UNC5D: variants seen among roughly 807,000 people sequenced by gnomAD.
UNC5D encodes unc-5 netrin receptor D.
A neutral mutation model predicts 105.4 loss-of-function variants in UNC5D; 39 were observed. The ratio of observed to expected loss-of-function variants is 0.37; its 90% CI spans 0.29 to 0.48. The LOEUF (loss-of-function observed/expected upper bound fraction) is 0.48. Among genes scored for constraint, UNC5D ranks in the 20% least tolerant of loss-of-function variants. The pLI, the probability that UNC5D is intolerant of heterozygous loss-of-function variation, is 0.98. For synonymous variants in UNC5D, 452 were observed against 450.4 expected (o/e 1.00, Z -0.04); for missense variants, 991 against 1,202.4 (o/e 0.82, Z 2.60).
chr8:35,493,902 G>A (rs1288083727), intron 1 of UNC5D, among the ~76,000 whole-genome samples: 2 of 152,018 alleles, frequency 1.3e-5, no homozygotes, highest in Non-Finnish European at 2.9e-5. Flanking sequence ...ATTTTTTTAA[G>A]CAAAGGAAAC....
intron 4 of UNC5D, among the ~76,000 whole-genome samples, chr8:35,614,090 T>G (rs947344250): frequency 6.6e-6 from 1 of 152,248 alleles, no homozygotes; most frequent in African/African-American, 2.4e-5. Context: ...ATCTGCACAC[T>G]GTCTTTGACT....
chr8:35,760,422 T>TA (rs533251430), intron 14 of UNC5D, among the ~76,000 whole-genome samples: 40 of 147,490 alleles, frequency 2.7e-4, no homozygotes, highest in South Asian at 1.7e-3. Context: ...ATTAGAGATT[T>TA]AAAAAAAAAA....
intron 1 of UNC5D, among the ~76,000 whole-genome samples, chr8:35,529,814 G>T (rs1814201029): frequency 7.0e-6 from 1 of 142,880 alleles, no homozygotes; most frequent in African/African-American, 2.6e-5. Context: ...TGAAGCAATT[G>T]TGAATGGGAG....
intron 16 of UNC5D, among the ~76,000 whole-genome samples, chr8:35,780,673 G>T (rs766669893): frequency 1.3e-5 from 2 of 152,174 alleles, no homozygotes; most frequent in Non-Finnish European, 2.9e-5. Flanking sequence ...TGGTGACTGT[G>T]GGCTCTAGGT....
chr8:35,642,929 C>A (rs866724789), intron 4 of UNC5D, among the ~76,000 whole-genome samples: 2 of 152,192 alleles, frequency 1.3e-5, no homozygotes, highest in Non-Finnish European at 2.9e-5. Flanking sequence ...TAGAGTAAAG[C>A]AAACAGGTCT....
chr8:35,653,499 G>A (rs946332209), intron 4 of UNC5D, among the ~76,000 whole-genome samples: 12 of 152,130 alleles, frequency 7.9e-5, no homozygotes, highest in Admixed American at 6.5e-4. Flanking sequence ...TGATGCTAAT[G>A]CTGTTTGTGG....
chr8:35,283,547 A>G (rs1806359098), intron 1 of UNC5D, among the ~76,000 whole-genome samples: 1 of 152,086 alleles, frequency 6.6e-6, no homozygotes, highest in Non-Finnish European at 1.5e-5. Flanking sequence ...GGATCACGAG[A>G]TCAAGAGATC....
intron 4 of UNC5D, among the ~76,000 whole-genome samples, chr8:35,607,541 A>G (rs1820376865): frequency 6.6e-6 from 1 of 152,050 alleles, no homozygotes; most frequent in Admixed American, 6.6e-5. Flanking sequence ...TTTCATCTTG[A>G]ATTGTAATCC....
At chr8:35,500,573 C>T (rs907923259) in intron 1 of UNC5D, among the ~76,000 whole-genome samples, 5 of 152,196 alleles carry the variant, frequency 3.3e-5, no homozygotes, top group African/African-American at 1.2e-4. Flanking sequence ...TAATCCCTGA[C>T]ATCTTTCTTT....
intron 1 of UNC5D, among the ~76,000 whole-genome samples, chr8:35,306,087 A>G (rs1808392705): frequency 6.6e-6 from 1 of 151,990 alleles, no homozygotes; most frequent in Admixed American, 6.6e-5. Flanking sequence ...AAGGATAGCT[A>G]AGTGTTTTGT....
chr8:35,580,702 T>G (rs774841792), intron 3 of UNC5D, among the ~76,000 whole-genome samples: 16 of 152,084 alleles, frequency 1.1e-4, no homozygotes, highest in Non-Finnish European at 2.2e-4. Context: ...TCCATCGACT[T>G]GAACAAAACA....
intron 1 of UNC5D, among the ~76,000 whole-genome samples, chr8:35,258,086 T>C (rs1804206327): frequency 6.6e-6 from 1 of 152,198 alleles, no homozygotes; most frequent in Non-Finnish European, 1.5e-5. Context: ...AAGATATCAA[T>C]GTGCCTGAGA....
intron 3 of UNC5D, among the ~76,000 whole-genome samples, chr8:35,591,523 CTAT>C (rs551236884): frequency 1.3e-5 from 2 of 151,996 alleles, no homozygotes; most frequent in Non-Finnish European, 2.9e-5. Flanking sequence ...GCTTAGAGAA[CTAT>C]TATTATTATT....
intron 1 of UNC5D, among the ~76,000 whole-genome samples, chr8:35,526,403 C>T (rs1296772208): frequency 2.0e-5 from 3 of 152,090 alleles, no homozygotes; most frequent in Non-Finnish European, 2.9e-5. Context: ...CAGTCACTGC[C>T]TCAAAAGCAT....
chr8:35,639,734 A>T (rs1822594609), intron 4 of UNC5D, among the ~76,000 whole-genome samples: 1 of 152,064 alleles, frequency 6.6e-6, no homozygotes, highest in Non-Finnish European at 1.5e-5. Flanking sequence ...AAGTCACATA[A>T]AGTATTTTGA....
At chr8:35,467,566 G>T (rs1254182362) in intron 1 of UNC5D, among the ~76,000 whole-genome samples, 2 of 92,662 alleles carry the variant, frequency 2.2e-5, no homozygotes, top group Non-Finnish European at 4.2e-5. Context: ...ATGAAACTAT[G>T]ACAGGCAAAA....
chr8:35,447,432 G>A (rs746148325), intron 1 of UNC5D, among the ~76,000 whole-genome samples: 6 of 152,048 alleles, frequency 3.9e-5, no homozygotes, highest in Non-Finnish European at 5.9e-5. Flanking sequence ...AAAGGAAGTG[G>A]CCTATGGGAG....
intron 1 of UNC5D, among the ~76,000 whole-genome samples, chr8:35,244,401 G>A (rs745817009): frequency 7.2e-5 from 11 of 152,092 alleles, no homozygotes; most frequent in Admixed American, 1.3e-4. Context: ...TATAAGCATC[G>A]GAGACAGAAA....
intron 16 of UNC5D, among the ~76,000 whole-genome samples, chr8:35,786,198 A>G (rs1185780910): frequency 6.6e-6 from 1 of 152,180 alleles, no homozygotes; most frequent in Non-Finnish European, 1.5e-5. Flanking sequence ...ACTATTTTTA[A>G]TAAGGCCAAT....
Sources: allele counts gnomAD v4.1 joint callset (sites outside exome capture counted in the v4.1 genomes callset), GRCh38; gene constraint gnomAD v4.1.1; transcripts MANE v1.5; gene names NCBI Gene and HGNC (gene_info 2026-07-23, HGNC 2026-07-21).